Variants in NMBR observed in about 807,000 individuals in gnomAD.
The protein encoded by NMBR is neuromedin B receptor.
In NMBR, 16 loss-of-function variants were observed where a neutral mutation model predicts 20.5. The observed-to-expected ratio is 0.78, with a 90% CI of 0.53 to 1.19. The LOEUF is 1.19. Among genes scored for constraint, NMBR ranks in the 50% most tolerant of loss-of-function variants. The probability of loss-of-function intolerance (pLI) is 0.00; values close to 1 mark genes in which losing one functional copy is unlikely to be tolerated. For missense variants in NMBR, 582 were observed against 499.1 expected, an observed-to-expected ratio of 1.17 and a Z score of -1.58; for synonymous variants, 212 against 196.6, an observed-to-expected ratio of 1.08 and a Z score of -0.65.
At chr6:142,102,204 C>T (rs534101810) in intron 1 of NMBR, among the ~76,000 whole-genome samples, 45 of 151,926 alleles carry the variant, frequency 3.0e-4, no homozygotes, top group Non-Finnish European at 5.2e-4. Flanking sequence ...CTGGCTAACA[C>T]GGTGAATCCC....
At chr6:142,079,280 T>C (rs1309430852) in intron 2 of NMBR, among the ~76,000 whole-genome samples, 3 of 152,140 alleles carry the variant, frequency 2.0e-5, no homozygotes, top group Non-Finnish European at 2.9e-5. Context: ...TCTGTCTTTA[T>C]AGCTCAAATT....
intron 1 of NMBR, among the ~76,000 whole-genome samples, chr6:142,099,949 T>C (rs1055889797): frequency 2.0e-5 from 3 of 152,064 alleles, no homozygotes; most frequent in African/African-American, 4.8e-5. Flanking sequence ...CAAGTGTAAA[T>C]AAGCATATAA....
At chr6:142,138,815 G>T (rs1162944043) in intron 1 of NMBR, among the ~76,000 whole-genome samples, 2 of 152,062 alleles carry the variant, frequency 1.3e-5, no homozygotes, top group African/African-American at 4.8e-5. Flanking sequence ...TATCCTGTTG[G>T]ATGCCAATTA....
chr6:142,105,041 G>A (rs1448078088), intron 1 of NMBR, among the ~76,000 whole-genome samples: 1 of 151,940 alleles, frequency 6.6e-6, no homozygotes, highest in Non-Finnish European at 1.5e-5. Flanking sequence ...TTAAGGGTGG[G>A]GGAGGATATT....
At chr6:142,110,724 T>A (rs1024860576) in intron 1 of NMBR, among the ~76,000 whole-genome samples, 2 of 152,148 alleles carry the variant, frequency 1.3e-5, no homozygotes, top group Non-Finnish European at 1.5e-5. Context: ...TGGCATGTGA[T>A]ATGAATTATA....
chr6:142,120,313 C>T (rs2842761), intron 1 of NMBR, among the ~76,000 whole-genome samples: 61,599 of 151,768 alleles, frequency 0.41, 13,057 homozygotes, highest in Middle Eastern at 0.57. Flanking sequence ...TGCATCAGCT[C>T]ACTCCAGAGG....
At chr6:142,133,374 G>A (rs909218291) in intron 1 of NMBR, among the ~76,000 whole-genome samples, 5 of 152,142 alleles carry the variant, frequency 3.3e-5, no homozygotes, top group African/African-American at 1.2e-4. Flanking sequence ...TTCAGGAAGT[G>A]TCTTTAGATG....
chr6:142,099,463 A>G (rs1777518972), intron 1 of NMBR, among the ~76,000 whole-genome samples: 1 of 152,128 alleles, frequency 6.6e-6, no homozygotes, highest in African/African-American at 2.4e-5. Flanking sequence ...AGTGCCACAC[A>G]CTTTCAAACG....
chr6:142,137,514 C>T (rs550398312), intron 1 of NMBR, among the ~76,000 whole-genome samples: 7 of 152,236 alleles, frequency 4.6e-5, no homozygotes, highest in African/African-American at 9.6e-5. Context: ...TTGCCCTGGC[C>T]GGAACTTCCA....
At chr6:142,082,050 A>T (rs1277444522) in intron 2 of NMBR, among the ~76,000 whole-genome samples, 1 of 152,228 alleles carries the variant, frequency 6.6e-6, no homozygotes, top group Non-Finnish European at 1.5e-5. Flanking sequence ...TCATAAAACA[A>T]AATACATAAT....
At chr6:142,100,129 C>A (rs753932797) in intron 1 of NMBR, among the ~76,000 whole-genome samples, 1 of 152,184 alleles carries the variant, frequency 6.6e-6, no homozygotes, top group Non-Finnish European at 1.5e-5. Context: ...GGTGAAAACG[C>A]AAAATTTGGA....
intron 2 of NMBR, among the ~76,000 whole-genome samples, chr6:142,084,389 T>C (rs2114561624): frequency 6.6e-6 from 1 of 152,314 alleles, no homozygotes; most frequent in South Asian, 2.1e-4. Flanking sequence ...AGAAACTTAA[T>C]CAGATTTGGT....
intron 1 of NMBR, among the ~76,000 whole-genome samples, chr6:142,116,924 T>C (rs1434114770): frequency 1.3e-5 from 2 of 152,028 alleles, no homozygotes; most frequent in African/African-American, 4.8e-5. Flanking sequence ...TTAATATTAT[T>C]AGAAATCTGC....
intron 1 of NMBR, among the ~76,000 whole-genome samples, chr6:142,145,161 C>T (rs1385643982): frequency 6.6e-6 from 1 of 151,916 alleles, no homozygotes; most frequent in Non-Finnish European, 1.5e-5. Flanking sequence ...CAGTCCTGCT[C>T]ATGAGGGTAT....
At chr6:142,086,021 CTT>C (rs201667912) in intron 2 of NMBR, among the ~76,000 whole-genome samples, 33 of 114,898 alleles carry the variant, frequency 2.9e-4, no homozygotes, top group Non-Finnish European at 2.8e-4. Context: ...CTCCTGTACT[CTT>C]TTTTTTTTTT....
intron 1 of NMBR, among the ~76,000 whole-genome samples, chr6:142,108,148 G>C (rs908025595): frequency 2.0e-5 from 3 of 152,040 alleles, no homozygotes; most frequent in African/African-American, 7.2e-5. Context: ...GGACAAAAAG[G>C]AATGAGCACA....
At position 142,075,303 on chromosome 6, in the gene NMBR, C is replaced by T. The variant is rs1440386476; in HGVS notation, c.*345G>A. Among the ~76,000 whole-genome samples, 2 of 151,920 alleles carry T rather than the reference C, an allele frequency of 1.3e-5. No individual in the cohort carries two copies. Among genetic ancestry groups the T allele is most frequent in the Non-Finnish European group, 2.9e-5 (2 of 67,984 alleles). On this transcript the variant is annotated 3_prime_UTR_variant, in exon 4 of 4. Transcript: ENST00000258042. Reference sequence around the variant, plus strand: ...TGCTAGAACTGGCTTTAGCAACAGCCTAAATACTAAAGCAATGTTAAATTA... The same window carrying T: ...TGCTAGAACTGGCTTTAGCAACAGCTTAAATACTAAAGCAATGTTAAATTA...
chr6:142,115,929 G>A (rs771994372), intron 1 of NMBR, among the ~76,000 whole-genome samples: 12 of 152,070 alleles, frequency 7.9e-5, no homozygotes, highest in Non-Finnish European at 1.6e-4. Context: ...CAATTTCCAC[G>A]TGTTGTGGGA....
chr6:142,106,653 C>T (rs1777667135), intron 1 of NMBR, among the ~76,000 whole-genome samples: 1 of 152,258 alleles, frequency 6.6e-6, no homozygotes, highest in Middle Eastern at 3.4e-3. Flanking sequence ...TGTTTCATTG[C>T]CCTAAGCAAT....
Sources: gnomAD v4.1 joint callset for allele counts (sites outside exome capture counted in the v4.1 genomes callset) on GRCh38, gnomAD v4.1.1 for gene constraint, MANE v1.5 for transcripts, NCBI Gene and HGNC (gene_info 2026-07-23, HGNC 2026-07-21) for gene names.